OSBPL5: variants seen among roughly 807,000 people sequenced by gnomAD.
OSBPL5 encodes oxysterol-binding protein-related protein 5.
In OSBPL5, 71 loss-of-function variants were observed where a neutral mutation model predicts 111.2. That is an observed-to-expected ratio of 0.64 (90% CI 0.53 to 0.78). OSBPL5 has a LOEUF of 0.78. Among genes scored for constraint, OSBPL5 ranks in the 30% least tolerant of loss-of-function variants. The pLI, the probability that OSBPL5 is intolerant of heterozygous loss-of-function variation, is 0.00. For synonymous variants in OSBPL5, 549 were observed against 513.9 expected (o/e 1.07, Z -0.93); for missense variants, 1,210 against 1,189.3 (o/e 1.02, Z -0.26).
chr11:3,093,830 G>T lies in OSBPL5; in HGVS notation c.1725C>A (p.Phe575Leu). ...QAQLEFKLKPFFGGSTSINQI... is the reference protein window; with the variant it reads ...QAQLEFKLKPLFGGSTSINQI... ...GGTTGATGCTGGTGCTACCCCCGAAGAAGGGCTGCGGGGCCACACCCAGAA... is the reference window on the plus strand; with the variant it reads ...GGTTGATGCTGGTGCTACCCCCGAATAAGGGCTGCGGGGCCACACCCAGAA... Residue 575 changes from phenylalanine to leucine, a missense_variant, in exon 16 of 22, where the codon TTC becomes TTA. By Grantham distance (22) the Phe-to-Leu change is conservative. Transcript: ENST00000263650. 6.2e-7 allele frequency: 1 copy of T among 1,611,224 alleles called. No homozygotes were observed.
chr11:3,114,139 G>A (rs953663132), intron 7 of OSBPL5, among the ~76,000 whole-genome samples: 1 of 152,054 alleles, frequency 6.6e-6, no homozygotes, highest in South Asian at 2.1e-4. Flanking sequence ...AGGAAAATAT[G>A]CTTTCTAAAA....
chr11:3,119,634 G>GGA lies in OSBPL5; in HGVS notation c.607-5_607-4dup, dbSNP rs544164270. The GGA allele has an allele frequency of 2.9e-4, 454 of 1,578,998 alleles. 1 individual carries two copies. Among genetic ancestry groups the GGA allele is most frequent in the African/African-American group, 2.7e-3 (191 of 72,018 alleles). On this transcript the variant is annotated splice_polypyrimidine_tract_variant and splice_region_variant and intron_variant, in intron 6 of 21. Transcript: ENST00000263650. The stretch of plus-strand genomic sequence containing the variant: ...CCCACGCTCTCACCTTTGGGGCCCT[G>GGA]GAGAGAGAGAGATCTGGGTGTCACC...
intron 19 of OSBPL5, among the ~76,000 whole-genome samples, chr11:3,091,854 T>G (rs1857064822): frequency 6.6e-6 from 1 of 152,108 alleles, no homozygotes; most frequent in African/African-American, 2.4e-5. Flanking sequence ...CCGCTGCGGG[T>G]GAGCACCGGC....
intron 1 of OSBPL5, among the ~76,000 whole-genome samples, chr11:3,147,402 C>T (rs933162816): frequency 6.6e-6 from 1 of 152,250 alleles, no homozygotes; most frequent in African/African-American, 2.4e-5. Flanking sequence ...TCGGGACAGC[C>T]GCAGCCGAGG....
At chr11:3,156,515 C>A (rs1282762077) in intron 1 of OSBPL5, among the ~76,000 whole-genome samples, 4 of 152,016 alleles carry the variant, frequency 2.6e-5, no homozygotes. Context: ...GGAGTGTGAG[C>A]CTGGAAACCC....
intron 1 of OSBPL5, among the ~76,000 whole-genome samples, chr11:3,151,494 G>T (rs761859460): frequency 6.6e-6 from 1 of 152,178 alleles, no homozygotes; most frequent in Non-Finnish European, 1.5e-5. Context: ...TGACCTGGCC[G>T]CTTCCTGCCA....
intron 6 of OSBPL5, 31 bp downstream of exon 6, chr11:3,120,390 C>G (rs774093195): frequency 2.6e-5 from 41 of 1,596,740 alleles, no homozygotes; most frequent in Non-Finnish European, 3.5e-5. Context: ...CCTACGGGGC[C>G]TCTGTCTTCA....
At chr11:3,115,611 C>A (rs1300169872) in intron 7 of OSBPL5, among the ~76,000 whole-genome samples, 12 of 152,180 alleles carry the variant, frequency 7.9e-5, no homozygotes, top group Admixed American at 7.9e-4. Flanking sequence ...TTCAGTTCCT[C>A]TATAAATTAA....
rs748457490 is a variant in OSBPL5 at position 3,104,278 on chromosome 11, C to T, written c.1159G>A (p.Val387Met). ...QLRPGMDLSR[V>M]VLPTFVLEPR... ...TCCAGTACGAACGTGGGTAGCACCA[C>T]GCGGGACAGGTCCATGCCTGGCCGT... Residue 387 changes from valine to methionine, a missense_variant, in exon 10 of 22, where the codon GTG (valine) becomes ATG (methionine). Physicochemically the swap from Val to Met is conservative, Grantham distance 21 (BLOSUM62 1). Coordinates refer to ENST00000263650, the MANE Select transcript of OSBPL5 (RefSeq NM_020896.4). The surrounding 1 kb of genome is among the most constrained non-coding windows in gnomAD (Gnocchi z 5.0). 16 of 1,613,728 alleles carry T rather than the reference C, an allele frequency of 9.9e-6. No homozygotes were observed. The highest frequency in any genetic ancestry group is 4.5e-5 in the East Asian group (2 of 44,900).
chr11:3,121,753 G>A lies in OSBPL5; in HGVS notation c.402+244C>T, dbSNP rs1053002217. 2 of 551,520 alleles carry A rather than the reference G, an allele frequency of 3.6e-6. No individual in the cohort carries two copies. The highest frequency in any genetic ancestry group is 3.2e-5 in the Admixed American group (1 of 31,258). 34.2% of individuals were successfully genotyped at this position (551,520 alleles called of 1,614,324 possible). On this transcript the variant is annotated intron_variant, in intron 5 of 21. Coordinates refer to ENST00000263650, the MANE Select transcript of OSBPL5 (RefSeq NM_020896.4). The surrounding 1 kb of genome is among the most constrained non-coding windows in gnomAD (Gnocchi z 4.3). ...ATGGGGTCTTTGCAGACATAATCAGGTGAAGATGGGGCTACACTGGAGTAA... is the reference window on the plus strand; with the variant it reads ...ATGGGGTCTTTGCAGACATAATCAGATGAAGATGGGGCTACACTGGAGTAA...
Position 3,109,162 on chromosome 11 carries a change from G to A in OSBPL5, c.692-1217C>T, listed in dbSNP as rs375426674. On this transcript the variant is annotated intron_variant, in intron 7 of 21. Transcript: ENST00000263650. The surrounding 1 kb of genome is among the most constrained non-coding windows in gnomAD (Gnocchi z 7.4). ...GAGTGCAGTAGGGTGATCTCAGCTC[G>A]CTGCAACCTCTGACTCCAGGGTTCA... 2.6e-4 allele frequency among the ~76,000 whole-genome samples: 40 copies of A among 151,488 alleles called. No homozygotes were observed. The highest frequency in any genetic ancestry group is 8.5e-4 in the African/African-American group (35 of 41,264).
In OSBPL5 at chr11:3,094,280, C is replaced by T; in HGVS notation, c.1676G>A (p.Cys559Tyr). ...LELGGKVTIECAKNNFQAQLE... is the reference protein window; with the variant it reads ...LELGGKVTIEYAKNNFQAQLE... ...CTGGGCCTGGAAGTTGTTCTTCGCA[C>T]ACTCGATGGTGACCTTCCCACCCAG... The change falls in exon 15 of 22, where the codon TGT becomes TAT. Residue 559 changes from cysteine to tyrosine, a missense_variant. By Grantham distance (194) the Cys-to-Tyr change is radical. Coordinates refer to ENST00000263650, the MANE Select transcript of OSBPL5 (RefSeq NM_020896.4). 6.2e-7 allele frequency: 1 copy of T among 1,613,658 alleles called. No homozygotes were observed.
At chr11:3,097,060 A>AGG (rs1343034965) in intron 14 of OSBPL5, among the ~76,000 whole-genome samples, 7 of 27,780 alleles carry the variant, frequency 2.5e-4, no homozygotes, top group African/African-American at 2.5e-4. Flanking sequence ...GAAGGAGAGG[A>AGG]AAGGGGGAAG....
At chr11:3,138,904 G>A (rs772777898) in intron 1 of OSBPL5, among the ~76,000 whole-genome samples, 38 of 152,256 alleles carry the variant, frequency 2.5e-4, no homozygotes, top group Non-Finnish European at 4.0e-4. Flanking sequence ...AGGGCAGCCT[G>A]GAGCCAGGCG....
chr11:3,103,679 TCTCTGCAGCC>T (rs1857535626), intron 10 of OSBPL5, among the ~76,000 whole-genome samples: 1 of 107,948 alleles, frequency 9.3e-6, no homozygotes, highest in African/African-American at 4.0e-5. Flanking sequence ...CCCCTTCCAG[TCTCTGCAGCC>T]CCCTTCCAGC....
chr11:3,103,858 G>GTGC (rs1564830726), intron 10 of OSBPL5, among the ~76,000 whole-genome samples: 18 of 106,536 alleles, frequency 1.7e-4, no homozygotes, highest in Admixed American at 6.5e-4. Flanking sequence ...TTTCCAGTCT[G>GTGC]CGCAGCCCCC....
rs767417240 is a variant in OSBPL5 at position 3,109,325 on chromosome 11, G to T, written c.692-1380C>A. Among the ~76,000 whole-genome samples, 1 of 148,222 alleles carries T rather than the reference G, an allele frequency of 6.7e-6. No individual in the cohort carries two copies. The highest frequency in any genetic ancestry group is 1.5e-5 in the Non-Finnish European group (1 of 66,858). On this transcript the variant is annotated intron_variant, in intron 7 of 21. Coordinates refer to ENST00000263650, the MANE Select transcript of OSBPL5 (RefSeq NM_020896.4). This position sits in a 1 kb window ranked among gnomAD's most constrained non-coding sequence, Gnocchi z 7.4. ...AACCTCTGGGCCTCAAGTGATCTGCGTCGGCCTCCCAAAGTGCTGGGATTA... is the reference window on the plus strand; with the variant it reads ...AACCTCTGGGCCTCAAGTGATCTGCTTCGGCCTCCCAAAGTGCTGGGATTA...
chr11:3,103,419 C>T, intron 10 of OSBPL5, 99 bp from the exon 11 acceptor site: 1 of 1,140,132 alleles, frequency 8.8e-7, no homozygotes, highest in Non-Finnish European at 1.3e-6. Flanking sequence ...CCTCCAACCA[C>T]TCAGCTGGAA....
intron 21 of OSBPL5, 103 bp from the exon 22 acceptor site, chr11:3,088,446 C>T (rs1564817891): frequency 3.9e-6 from 5 of 1,285,582 alleles, no homozygotes; most frequent in African/African-American, 1.5e-5. Context: ...GTGCTGGACA[C>T]AGGGCCGAGG....
Sources: allele counts gnomAD v4.1 joint callset (sites outside exome capture counted in the v4.1 genomes callset), GRCh38; gene constraint gnomAD v4.1.1; non-coding constraint Gnocchi (gnomAD v3.1); transcripts MANE v1.5; gene names NCBI Gene and HGNC (gene_info 2026-07-23, HGNC 2026-07-21).